The following SPMIP3 variants were observed in gnomAD, a reference collection of about 807,000 sequenced individuals.
SPMIP3 encodes sperm microtubule inner protein 3.
chr1:244,384,486 G>A, the SPMIP3 span, among the ~76,000 whole-genome samples: 249 of 152,240 alleles, frequency 1.6e-3, no homozygotes, highest in Non-Finnish European at 2.7e-3. Flanking sequence ...TTACAGACAT[G>A]AGCCACCACA....
the SPMIP3 span, among the ~76,000 whole-genome samples, chr1:244,355,237 G>T: frequency 6.6e-6 from 1 of 152,184 alleles, no homozygotes; most frequent in Non-Finnish European, 1.5e-5. Context: ...AGGACTGGAC[G>T]AAATAGCCCA....
At chr1:244,355,388 G>A in the SPMIP3 span, among the ~76,000 whole-genome samples, 1 of 143,330 alleles carries the variant, frequency 7.0e-6, no homozygotes, top group Non-Finnish European at 1.5e-5. Flanking sequence ...TCTTTTTATT[G>A]ATTGATTGAT....
the SPMIP3 span, chr1:244,378,674 T>C: frequency 6.3e-7 from 1 of 1,587,596 alleles, no homozygotes; most frequent in Non-Finnish European, 8.6e-7. Context: ...CTCTCTGAGA[T>C]TAACCTTGCC....
At chr1:244,358,097 G>A in the SPMIP3 span, among the ~76,000 whole-genome samples, 1 of 151,864 alleles carries the variant, frequency 6.6e-6, no homozygotes, top group South Asian at 2.1e-4. Context: ...AGGCATGGTG[G>A]TACACGCCTG....
chr1:244,380,219 A>G, the SPMIP3 span, among the ~76,000 whole-genome samples: 3 of 145,990 alleles, frequency 2.1e-5, no homozygotes, highest in African/African-American at 7.7e-5. Flanking sequence ...TCCCAGGTTC[A>G]AGCGATTCTC....
the SPMIP3 span, among the ~76,000 whole-genome samples, chr1:244,372,344 A>G: frequency 6.6e-6 from 1 of 152,170 alleles, no homozygotes; most frequent in Non-Finnish European, 1.5e-5. Flanking sequence ...ATGTTGGTTG[A>G]GTCGAACTGA....
chr1:244,382,845 G>C, the SPMIP3 span, among the ~76,000 whole-genome samples: 1 of 151,970 alleles, frequency 6.6e-6, no homozygotes, highest in African/African-American at 2.4e-5. Context: ...CTCGTGATCT[G>C]CCTGACTTGG....
At chr1:244,388,808 T>C in the SPMIP3 span, 6 of 574,042 alleles carry the variant, frequency 1.0e-5, no homozygotes, top group Admixed American at 3.4e-5. Context: ...GACTGAGTCC[T>C]TTTTCCCACA....
chr1:244,388,395 T>C, the SPMIP3 span, among the ~76,000 whole-genome samples: 1 of 144,008 alleles, frequency 6.9e-6, no homozygotes, highest in African/African-American at 2.5e-5. Flanking sequence ...CCCCCAGACG[T>C]ACTCTCTATT....
At chr1:244,383,415 C>T in the SPMIP3 span, among the ~76,000 whole-genome samples, 1 of 152,204 alleles carries the variant, frequency 6.6e-6, no homozygotes, top group Non-Finnish European at 1.5e-5. Flanking sequence ...GAGGCTGAGT[C>T]AGGAGGACTG....
chr1:244,383,912 G>A, the SPMIP3 span, among the ~76,000 whole-genome samples: 3 of 152,048 alleles, frequency 2.0e-5, no homozygotes, highest in African/African-American at 7.2e-5. Flanking sequence ...TTTTAAGGAA[G>A]GCAGAAGTAA....
the SPMIP3 span, among the ~76,000 whole-genome samples, chr1:244,368,075 C>G: frequency 1.3e-5 from 2 of 152,092 alleles, no homozygotes; most frequent in Non-Finnish European, 2.9e-5. Context: ...ATTTTCATGC[C>G]TCAGCCTCTC....
the SPMIP3 span, among the ~76,000 whole-genome samples, chr1:244,388,503 C>A: frequency 6.6e-6 from 1 of 151,754 alleles, no homozygotes; most frequent in Non-Finnish European, 1.5e-5. Flanking sequence ...TGGTTTTGAA[C>A]TTTGTTTATT....
the SPMIP3 span, chr1:244,364,599 C>T: frequency 6.3e-6 from 7 of 1,107,322 alleles, no homozygotes; most frequent in Non-Finnish European, 9.6e-6. Context: ...TGATTTCTTT[C>T]AAGATGGACT....
chr1:244,372,505 A>T, the SPMIP3 span, among the ~76,000 whole-genome samples: 1 of 148,620 alleles, frequency 6.7e-6, no homozygotes, highest in Admixed American at 6.8e-5. Context: ...GTGCAGTGGC[A>T]CGATCTCAGC....
chr1:244,362,767 G>A, the SPMIP3 span, among the ~76,000 whole-genome samples: 10 of 151,638 alleles, frequency 6.6e-5, 1 homozygote, highest in African/African-American at 2.2e-4. Context: ...AATTCCTAAG[G>A]TAAATGGTAA....
the SPMIP3 span, chr1:244,388,914 G>C: frequency 6.6e-7 from 1 of 1,524,996 alleles, no homozygotes. Flanking sequence ...GGAGTGAGTA[G>C]TCTTTAAATA....
At chr1:244,363,853 C>T in the SPMIP3 span, among the ~76,000 whole-genome samples, 1 of 152,210 alleles carries the variant, frequency 6.6e-6, no homozygotes, top group Non-Finnish European at 1.5e-5. Context: ...AAGGCAGCAG[C>T]CTCTGCCTAA....
the SPMIP3 span, among the ~76,000 whole-genome samples, chr1:244,364,113 C>CA: frequency 1.2e-4 from 18 of 148,030 alleles, no homozygotes; most frequent in Admixed American, 2.7e-4. Flanking sequence ...TTTGCTTTTT[C>CA]TTTTTTTTTT....
Sources: gnomAD v4.1 joint callset for allele counts (sites outside exome capture counted in the v4.1 genomes callset) on GRCh38, gnomAD v4.1.1 for gene constraint, MANE v1.5 for transcripts, NCBI Gene and HGNC (gene_info 2026-07-23, HGNC 2026-07-21) for gene names.